The following GCNT2 variants were observed in gnomAD, a reference collection of about 807,000 sequenced individuals.
GCNT2 encodes the protein N-acetyllactosaminide beta-1,6-N-acetylglucosaminyl-transferase.
A neutral mutation model predicts 34.2 loss-of-function variants in GCNT2; 34 were observed. The observed-to-expected ratio is 1.00, with a 90% CI of 0.76 to 1.32. The LOEUF (loss-of-function observed/expected upper bound fraction) is 1.32, where lower values mean the gene tolerates loss of function less well. Ranked by LOEUF, GCNT2 falls within the 40% of genes most tolerant of loss-of-function variation. The pLI, the probability that GCNT2 is intolerant of heterozygous loss-of-function variation, is 0.00. For missense variants in GCNT2, 584 were observed against 489.4 expected (o/e 1.19, Z -1.82); for synonymous variants, 212 against 188.0 (o/e 1.13, Z -1.04).
At chr6:10,552,151 T>G (rs1304546353) in intron 3 of GCNT2, among the ~76,000 whole-genome samples, 1 of 152,142 alleles carries the variant, frequency 6.6e-6, no homozygotes, top group African/African-American at 2.4e-5. Context: ...GAAAGTAAAA[T>G]GATTGGGCCC....
chr6:10,553,696 C>A (rs1287444504), intron 3 of GCNT2, among the ~76,000 whole-genome samples: 1 of 152,186 alleles, frequency 6.6e-6, no homozygotes, highest in African/African-American at 2.4e-5. Context: ...GAGTTCAAGA[C>A]CAGCTTGGCC....
At chr6:10,614,505 A>G (rs1316916247) in intron 3 of GCNT2, among the ~76,000 whole-genome samples, 1 of 152,008 alleles carries the variant, frequency 6.6e-6, no homozygotes. Flanking sequence ...ACGCCCCTCT[A>G]GTCCCAGCTA....
chr6:10,563,364 T>G (rs1763100829), intron 3 of GCNT2, among the ~76,000 whole-genome samples: 1 of 152,208 alleles, frequency 6.6e-6, no homozygotes. Flanking sequence ...GGGAAATTTC[T>G]TACACATTAT....
At chr6:10,601,583 A>T (rs1209671008) in intron 3 of GCNT2, among the ~76,000 whole-genome samples, 1 of 152,178 alleles carries the variant, frequency 6.6e-6, no homozygotes. Flanking sequence ...AATTGAATAT[A>T]TTAGTCATTG....
intron 3 of GCNT2, among the ~76,000 whole-genome samples, chr6:10,612,620 T>TG (rs1416977321): frequency 6.6e-6 from 1 of 152,222 alleles, no homozygotes; most frequent in Non-Finnish European, 1.5e-5. Context: ...ATGTATTTAG[T>TG]GGTTATGTAT....
At chr6:10,528,180 T>C (rs1431014718) in intron 2 of GCNT2, among the ~76,000 whole-genome samples, 1 of 152,152 alleles carries the variant, frequency 6.6e-6, no homozygotes, top group Non-Finnish European at 1.5e-5. Flanking sequence ...TTAATGGGCA[T>C]TTTAAAGGAC....
rs1762332287 is a variant in GCNT2, at chr6:10,547,841, A to T, written c.925+18005A>T. On this transcript the variant is annotated intron_variant, in intron 3 of 4. Transcript: ENST00000495262. ...CCTGTGTGTTGGCTTATTTATTTAT[A>T]TCTCTGGGGACTTAGATTTATATTT... Among the ~76,000 whole-genome samples the T allele has an allele frequency of 2.0e-5, 3 of 152,246 alleles. No homozygotes were observed. The South Asian group carries it at 6.2e-4, about 32-fold the overall frequency.
intron 3 of GCNT2, chr6:10,557,495 T>A: frequency 2.1e-6 from 1 of 472,118 alleles, no homozygotes; most frequent in South Asian, 2.9e-5. Context: ...AAGATGTTCT[T>A]TTTTTTTTTT....
chr6:10,545,281 C>T lies in GCNT2; in HGVS notation c.925+15445C>T, dbSNP rs140936945. ...TTTTTCCATTTTGCAAGAGCTGTGC[C>T]TTGGCTGTGATCTCCATTTTTGTGG... On this transcript the variant is annotated intron_variant, in intron 3 of 4. Transcript: ENST00000495262. Among the ~76,000 whole-genome samples the T allele has an allele frequency of 2.0e-3, 298 of 152,178 alleles. 1 individual carries two copies. The highest frequency in any genetic ancestry group is 3.3e-3 in the South Asian group (16 of 4,812).
intron 1 of GCNT2, among the ~76,000 whole-genome samples, chr6:10,524,473 A>T (rs1761095382): frequency 1.3e-5 from 2 of 152,178 alleles, no homozygotes. Flanking sequence ...GCTGGTCTCT[A>T]ACTCAATCCA....
chr6:10,544,246 G>C (rs1003936724), intron 3 of GCNT2, among the ~76,000 whole-genome samples: 2 of 151,708 alleles, frequency 1.3e-5, no homozygotes, highest in African/African-American at 4.8e-5. Flanking sequence ...CCCAGGAGGC[G>C]GAGGTTGCAG....
At chr6:10,625,967 A>C (rs1209113217) in intron 4 of GCNT2, among the ~76,000 whole-genome samples, 1 of 152,224 alleles carries the variant, frequency 6.6e-6, no homozygotes, top group Non-Finnish European at 1.5e-5. Flanking sequence ...GTGTAATAAA[A>C]GATATATGCT....
At chr6:10,617,356 G>C (rs1042287331) in intron 3 of GCNT2, among the ~76,000 whole-genome samples, 4 of 152,212 alleles carry the variant, frequency 2.6e-5, no homozygotes, top group African/African-American at 9.6e-5. Context: ...CACGCTGGCC[G>C]GCAAGCGCTG....
chr6:10,629,077 A>C lies in GCNT2; in HGVS notation c.*2470A>C, dbSNP rs1348365935. The C allele has an allele frequency of 6.6e-6, 1 of 152,662 alleles. No homozygotes were observed. The highest frequency in any genetic ancestry group is 1.5e-5 in the Non-Finnish European group (1 of 68,034). The allele number at this position is 152,662 out of a possible 1,614,324, so 9.5% of individuals were successfully genotyped here. ...CACTCAGGGTCAGCAGTGGAGTTTA[A>C]AAATTGTCTCTTTTCAACTTATTTA... On this transcript the variant is annotated 3_prime_UTR_variant, in exon 5 of 5. Coordinates refer to ENST00000495262, the MANE Select transcript of GCNT2 (RefSeq NM_145649.5).
At chr6:10,546,715 CAGTG>C (rs1163580227) in intron 3 of GCNT2, among the ~76,000 whole-genome samples, 4 of 152,068 alleles carry the variant, frequency 2.6e-5, no homozygotes, top group African/African-American at 9.7e-5. Flanking sequence ...TTAAAGATCT[CAGTG>C]AGTTTTCAAC....
intron 3 of GCNT2, among the ~76,000 whole-genome samples, chr6:10,545,550 A>T (rs2113611645): frequency 6.6e-6 from 1 of 152,328 alleles, no homozygotes; most frequent in African/African-American, 2.4e-5. Context: ...AATAAAGCGA[A>T]CTTCAAATTC....
intron 3 of GCNT2, among the ~76,000 whole-genome samples, chr6:10,535,149 A>G (rs1177948608): frequency 6.6e-6 from 1 of 152,148 alleles, no homozygotes; most frequent in African/African-American, 2.4e-5. Flanking sequence ...GCGCCACTGC[A>G]CTTCAGCCTG....
chr6:10,533,844 C>G (rs1761626855), intron 3 of GCNT2, among the ~76,000 whole-genome samples: 1 of 139,176 alleles, frequency 7.2e-6, no homozygotes, highest in Non-Finnish European at 1.5e-5. Context: ...TTTTATTTAA[C>G]TCAGTTTGAA....
intron 3 of GCNT2, among the ~76,000 whole-genome samples, chr6:10,543,478 A>G (rs958453473): frequency 1.3e-5 from 2 of 152,226 alleles, no homozygotes; most frequent in Non-Finnish European, 2.9e-5. Flanking sequence ...GGCGTGAACC[A>G]CTGTACCTAG....
Sources: gnomAD v4.1 joint callset for allele counts (sites outside exome capture counted in the v4.1 genomes callset) on GRCh38, gnomAD v4.1.1 for gene constraint, MANE v1.5 for transcripts, NCBI Gene and HGNC (gene_info 2026-07-23, HGNC 2026-07-21) for gene names.